The following SLC44A1 variants were observed in gnomAD, a reference collection of about 807,000 sequenced individuals.
The protein encoded by SLC44A1 is choline transporter-like protein 1.
SLC44A1 carries 26 observed loss-of-function variants against 79.3 expected under a neutral mutation model. The observed-to-expected ratio is 0.33, with a 90% CI of 0.24 to 0.46. SLC44A1 has a LOEUF of 0.46. SLC44A1 is among the 20% of genes least tolerant of loss of function. The pLI is 1.00. For missense variants in SLC44A1, 688 were observed against 798.1 expected (o/e 0.86, Z 1.66); for synonymous variants, 263 against 286.2 (o/e 0.92, Z 0.82).
At chr9:105,379,397 A>G (rs966151692) in intron 13 of SLC44A1, among the ~76,000 whole-genome samples, 3 of 152,188 alleles carry the variant, frequency 2.0e-5, no homozygotes, top group Non-Finnish European at 4.4e-5. Flanking sequence ...GATGATGGAT[A>G]TATTCTGCAT....
intron 15 of SLC44A1, among the ~76,000 whole-genome samples, chr9:105,425,577 C>A (rs1588880092): frequency 6.6e-6 from 1 of 152,154 alleles, no homozygotes; most frequent in East Asian, 1.9e-4. Context: ...AATCTCAGCA[C>A]TTTGGGAGGT....
intron 1 of SLC44A1, among the ~76,000 whole-genome samples, chr9:105,279,164 A>G (rs1449237803): frequency 6.7e-6 from 1 of 148,876 alleles, no homozygotes; most frequent in Admixed American, 6.8e-5. Flanking sequence ...GCACCACTGC[A>G]CTCCAGCCTG....
intron 12 of SLC44A1, among the ~76,000 whole-genome samples, chr9:105,370,700 T>G (rs780818077): frequency 6.6e-6 from 1 of 152,226 alleles, no homozygotes; most frequent in Non-Finnish European, 1.5e-5. Flanking sequence ...TAAGCTGGTC[T>G]GATGATAACA....
chr9:105,366,493 C>G, intron 12 of SLC44A1, 64 bp downstream of exon 12: 1 of 707,738 alleles, frequency 1.4e-6, no homozygotes, highest in Non-Finnish European at 2.2e-6. Context: ...TTTCTTCTCC[C>G]AAGATAAACT....
At chr9:105,385,237 A>G (rs1828594482) in intron 14 of SLC44A1, among the ~76,000 whole-genome samples, 185 bp from the exon 15 acceptor site, 1 of 152,190 alleles carries the variant, frequency 6.6e-6, no homozygotes, top group Non-Finnish European at 1.5e-5. Context: ...TAATCAGCGA[A>G]TTGCAGAGTC....
At chr9:105,429,311 T>C (rs1829361799) in intron 15 of SLC44A1, among the ~76,000 whole-genome samples, 1 of 152,234 alleles carries the variant, frequency 6.6e-6, no homozygotes, top group Non-Finnish European at 1.5e-5. Context: ...TTTGTTTTCG[T>C]TTTTGTTTTG....
chr9:105,386,036 T>A, intron 15 of SLC44A1: 1 of 985,380 alleles, frequency 1.0e-6, no homozygotes, highest in Non-Finnish European at 1.2e-6. Flanking sequence ...AAGCTATTTT[T>A]CAGTAGCAAA....
At chr9:105,384,525 A>T (rs1342424123) in intron 14 of SLC44A1, among the ~76,000 whole-genome samples, 13 of 152,056 alleles carry the variant, frequency 8.5e-5, no homozygotes, top group Admixed American at 8.5e-4. Context: ...CAAATGATTT[A>T]GCTGACCTAT....
In SLC44A1 at chr9:105,305,484, C is replaced by T. The variant is rs543257312; in HGVS notation, c.127-4240C>T. On this transcript the variant is annotated intron_variant, in intron 2 of 15. Transcript: ENST00000374720. Reference sequence around the variant, plus strand: ...TGTATCTTAAGGTTCTCAAAAGAGGCGAAACAGAAGGCAAATGTTCCAGGA... The same window carrying T: ...TGTATCTTAAGGTTCTCAAAAGAGGTGAAACAGAAGGCAAATGTTCCAGGA... Among the ~76,000 whole-genome samples the T allele has an allele frequency of 7.9e-5, 12 of 152,162 alleles. No homozygotes were observed. The South Asian group carries it at 1.7e-3, about 21-fold the overall frequency.
chr9:105,430,285 A>G (rs1045528523), intron 15 of SLC44A1, among the ~76,000 whole-genome samples: 1 of 152,238 alleles, frequency 6.6e-6, no homozygotes, highest in Non-Finnish European at 1.5e-5. Context: ...TTAAGATATC[A>G]TTAACATATC....
chr9:105,294,864 AGTCT>A (rs1830683356), intron 1 of SLC44A1: 2 of 77,208 alleles, frequency 2.6e-5, no homozygotes, highest in Admixed American at 1.2e-4. Context: ...TTAAATTTTG[AGTCT>A]GTGTGTGTGT....
chr9:105,338,328 A>G (rs1039165560), intron 4 of SLC44A1, among the ~76,000 whole-genome samples: 2 of 152,168 alleles, frequency 1.3e-5, no homozygotes, highest in Non-Finnish European at 2.9e-5. Context: ...TTTAATTCCA[A>G]TATTATCCTT....
intron 1 of SLC44A1, among the ~76,000 whole-genome samples, chr9:105,257,048 A>G (rs1829725130): frequency 6.6e-6 from 1 of 151,656 alleles, no homozygotes; most frequent in Non-Finnish European, 1.5e-5. Context: ...GGCCTCCCAA[A>G]GTGCTGGGAT....
At chr9:105,362,785 C>G in intron 8 of SLC44A1, 36 bp from the exon 9 acceptor site, 1 of 1,466,742 alleles carries the variant, frequency 6.8e-7, no homozygotes, top group Non-Finnish European at 9.1e-7. Flanking sequence ...GTTTTCACTA[C>G]TTATAATAAT....
At chr9:105,379,831 G>T (rs1397581145) in intron 13 of SLC44A1, among the ~76,000 whole-genome samples, 1 of 152,074 alleles carries the variant, frequency 6.6e-6, no homozygotes, top group African/African-American at 2.4e-5. Flanking sequence ...AAATTCCTTT[G>T]CTTCTGTGTG....
At chr9:105,287,020 A>G (rs1830494333) in intron 1 of SLC44A1, among the ~76,000 whole-genome samples, 1 of 152,212 alleles carries the variant, frequency 6.6e-6, no homozygotes, top group Non-Finnish European at 1.5e-5. Context: ...GAACCCAGAG[A>G]CAAGGAAGGT....
intron 4 of SLC44A1, among the ~76,000 whole-genome samples, chr9:105,340,642 A>G (rs1235319298): frequency 6.6e-6 from 1 of 152,258 alleles, no homozygotes; most frequent in Non-Finnish European, 1.5e-5. Flanking sequence ...GATGCAAGGC[A>G]ATATAACATG....
chr9:105,390,168 T>C lies in SLC44A1; in HGVS notation c.*1112T>C. ...TCCTCCAGTGTGACTGTTGTTTTTG[T>C]TTGGGGGTGGGTTTGGGGTTTTTTG... On this transcript the variant is annotated 3_prime_UTR_variant, in exon 16 of 16. Transcript: ENST00000374720. The C allele has an allele frequency of 8.3e-7, 1 of 1,203,792 alleles. No homozygotes were observed. Among genetic ancestry groups the C allele is most frequent in the Non-Finnish European group, 1.0e-6 (1 of 967,576 alleles). The allele number at this position is 1,203,792 out of a possible 1,614,324, so 74.6% of individuals were successfully genotyped here. A position where few individuals can be genotyped will look rare whatever the true frequency, so the allele number is the denominator to read the frequency against.
At chr9:105,373,139 A>G (rs1192043193) in intron 12 of SLC44A1, among the ~76,000 whole-genome samples, 2 of 152,206 alleles carry the variant, frequency 1.3e-5, no homozygotes, top group Admixed American at 6.5e-5. Context: ...ATATTCGTAA[A>G]TTGTAGACTA....
Sources: allele counts gnomAD v4.1 joint callset (sites outside exome capture counted in the v4.1 genomes callset), GRCh38; gene constraint gnomAD v4.1.1; transcripts MANE v1.5; gene names NCBI Gene and HGNC (gene_info 2026-07-23, HGNC 2026-07-21).